MYO1B: variants seen among roughly 807,000 people sequenced by gnomAD.
MYO1B encodes unconventional myosin-Ib.
In MYO1B, 72 loss-of-function variants were observed where a neutral mutation model predicts 159.7. The ratio of observed to expected loss-of-function variants is 0.45; its 90% CI spans 0.37 to 0.55. The LOEUF is 0.55. Among genes scored for constraint, MYO1B ranks in the 20% least tolerant of loss-of-function variants. The probability of loss-of-function intolerance (pLI) is 0.00; values close to 1 mark genes in which losing one functional copy is unlikely to be tolerated. For missense variants in MYO1B, 1,062 were observed against 1,364.8 expected (o/e 0.78, Z 3.50); for synonymous variants, 468 against 473.8 (o/e 0.99, Z 0.16).
At chr2:191,359,522 C>T (rs1693528127) in intron 7 of MYO1B, among the ~76,000 whole-genome samples, 1 of 152,066 alleles carries the variant, frequency 6.6e-6, no homozygotes, top group African/African-American at 2.4e-5. Flanking sequence ...TCTCTTTATT[C>T]TTACAATCTT....
At chr2:191,387,498 C>G (rs773862167) in intron 17 of MYO1B, 48 bp downstream of exon 17, 1 of 1,503,278 alleles carries the variant, frequency 6.7e-7, no homozygotes, top group African/African-American at 1.4e-5. Context: ...GAGAGCACCC[C>G]GAAGGAATAT....
At chr2:191,320,911 TC>T (rs1270971929) in intron 3 of MYO1B, among the ~76,000 whole-genome samples, 1 of 152,094 alleles carries the variant, frequency 6.6e-6, no homozygotes, top group Non-Finnish European at 1.5e-5. Flanking sequence ...CCTATTGCCT[TC>T]TGTGATAACC....
intron 3 of MYO1B, among the ~76,000 whole-genome samples, chr2:191,306,389 G>A (rs1171453173): frequency 6.6e-6 from 1 of 152,094 alleles, no homozygotes; most frequent in Non-Finnish European, 1.5e-5. Context: ...TTGGAACCTA[G>A]GGTGCAAACT....
At chr2:191,395,873 T>C (rs1305467601) in intron 20 of MYO1B, among the ~76,000 whole-genome samples, 1 of 152,272 alleles carries the variant, frequency 6.6e-6, no homozygotes, top group African/African-American at 2.4e-5. Context: ...CACATTTATA[T>C]CCTCATGGTC....
At chr2:191,335,597 G>A (rs1574455443) in intron 4 of MYO1B, among the ~76,000 whole-genome samples, 1 of 152,102 alleles carries the variant, frequency 6.6e-6, no homozygotes, top group South Asian at 2.1e-4. Flanking sequence ...TTGTTTTTGT[G>A]TACATGTGTT....
At chr2:191,343,891 C>G (rs778737309) in intron 5 of MYO1B, among the ~76,000 whole-genome samples, 4 of 152,182 alleles carry the variant, frequency 2.6e-5, no homozygotes, top group African/African-American at 9.6e-5. Context: ...TTAAAAAAAC[C>G]AATTGAGGAA....
chr2:191,422,524 A>G (rs1235128897), intron 30 of MYO1B, among the ~76,000 whole-genome samples: 1 of 152,196 alleles, frequency 6.6e-6, no homozygotes, highest in Non-Finnish European at 1.5e-5. Context: ...ATTAATTTCT[A>G]TACACTAATG....
chr2:191,249,659 GGGCAAAT>G (rs1685994821), intron 1 of MYO1B, among the ~76,000 whole-genome samples: 2 of 152,144 alleles, frequency 1.3e-5, no homozygotes, highest in Non-Finnish European at 2.9e-5. Flanking sequence ...GAATGCTCCT[GGGCAAAT>G]GGAAAAGTCA....
At chr2:191,347,799 T>C (rs1376846034) in intron 6 of MYO1B, among the ~76,000 whole-genome samples, 5 of 152,228 alleles carry the variant, frequency 3.3e-5, no homozygotes, top group Non-Finnish European at 7.3e-5. Context: ...TCTACTGTAT[T>C]TAAAGTTACT....
At chr2:191,396,685 C>T (rs1482999771) in intron 21 of MYO1B, among the ~76,000 whole-genome samples, 188 bp downstream of exon 21, 3 of 152,178 alleles carry the variant, frequency 2.0e-5, no homozygotes, top group Non-Finnish European at 4.4e-5. Context: ...TGGCCACTTC[C>T]TTCTAACCAG....
chr2:191,400,625 C>A, intron 22 of MYO1B, 124 bp from the exon 23 acceptor site: 2 of 1,318,162 alleles, frequency 1.5e-6, no homozygotes, highest in Non-Finnish European at 2.1e-6. Context: ...GGGGTGGTGG[C>A]ACATGCTTTT....
Position 191,363,708 on chromosome 2 carries a change from T to G in MYO1B, c.766-20T>G. The stretch of plus-strand genomic sequence containing the variant: ...ATAACTATAAGAAAAAAATAGTTGC[T>G]TTTTTTTTTCTCTCCCCAGAATGCC... On this transcript the variant is annotated intron_variant, in intron 9 of 30. Coordinates refer to ENST00000392318, the MANE Select transcript of MYO1B (RefSeq NM_001130158.3). The G allele has an allele frequency of 7.3e-7, 1 of 1,362,254 alleles. No homozygotes were observed. Among genetic ancestry groups the G allele is most frequent in the Non-Finnish European group, 9.8e-7 (1 of 1,020,532 alleles). The allele number at this position is 1,362,254 out of a possible 1,614,324, so 84.4% of individuals were successfully genotyped here.
chr2:191,249,160 A>G (rs1685966806), intron 1 of MYO1B, among the ~76,000 whole-genome samples: 1 of 152,228 alleles, frequency 6.6e-6, no homozygotes, highest in Non-Finnish European at 1.5e-5. Flanking sequence ...TTTATCTTAC[A>G]GCCTTTAATA....
In MYO1B at chr2:191,414,046, A is replaced by T. The variant is rs1460022832; in HGVS notation, c.2874-2A>T. The T allele has an allele frequency of 1.9e-6, 3 of 1,589,482 alleles. No individual in the cohort carries two copies. The highest frequency in any genetic ancestry group is 1.8e-5 in the Admixed American group (1 of 54,570). ...TAATGTGCAGGAATTTTTTTCCTTT[A>T]GTGTTGGGCAACCATTCCAAGGGGC... On this transcript the variant is annotated splice_acceptor_variant, in intron 27 of 30. Coordinates refer to ENST00000392318, the MANE Select transcript of MYO1B (RefSeq NM_001130158.3). LOFTEE classifies it high-confidence loss of function.
intron 1 of MYO1B, 156 bp downstream of exon 1, chr2:191,245,782 C>G (rs1022506283): frequency 6.6e-6 from 1 of 150,852 alleles, no homozygotes; most frequent in Non-Finnish European, 1.5e-5. Context: ...TCTTGGGAGA[C>G]GCGGCGCTGC....
At chr2:191,385,827 A>T in intron 15 of MYO1B, 57 bp from the exon 16 acceptor site, 1 of 1,546,588 alleles carries the variant, frequency 6.5e-7, no homozygotes, top group Middle Eastern at 1.7e-4. Context: ...ATTAGGAATA[A>T]TTATTAAAAC....
chr2:191,286,423 T>C (rs1688378449), intron 2 of MYO1B, among the ~76,000 whole-genome samples: 1 of 152,016 alleles, frequency 6.6e-6, no homozygotes, highest in Non-Finnish European at 1.5e-5. Context: ...CCGTGGCATA[T>C]GACATCTTAA....
Position 191,419,506 on chromosome 2 carries a change from C to G in MYO1B, c.3287+3264C>G, listed in dbSNP as rs184636223. Among the ~76,000 whole-genome samples the G allele has an allele frequency of 6.6e-5, 10 of 152,366 alleles. 1 individual carries two copies. The highest frequency in any genetic ancestry group is 1.3e-4 in the Admixed American group (2 of 15,308). On this transcript the variant is annotated intron_variant, in intron 30 of 30. Coordinates refer to ENST00000392318, the MANE Select transcript of MYO1B (RefSeq NM_001130158.3). ...GTGCTGGGATTATAGGCGTGAGCCA[C>G]CACGCCCGGCCTATACTGTACTTTT...
At chr2:191,355,212 G>T (rs1160258180) in intron 7 of MYO1B, among the ~76,000 whole-genome samples, 1 of 152,204 alleles carries the variant, frequency 6.6e-6, no homozygotes, top group Non-Finnish European at 1.5e-5. Flanking sequence ...AGCCCAGACG[G>T]CTGCCAGCCA....
Sources: allele counts gnomAD v4.1 joint callset (sites outside exome capture counted in the v4.1 genomes callset), GRCh38; gene constraint gnomAD v4.1.1; transcripts MANE v1.5; gene names NCBI Gene and HGNC (gene_info 2026-07-23, HGNC 2026-07-21).